Variants in DERA observed in about 807,000 individuals in gnomAD.
The protein encoded by DERA is 2-deoxy-D-ribose 5-phosphate aldolase.
Under a neutral mutation model 41.1 loss-of-function variants are expected in DERA, and 15 were observed. The observed-to-expected ratio is 0.37, with a 90% confidence interval of 0.24 to 0.56. DERA has a LOEUF of 0.56. Among genes scored for constraint, DERA ranks in the 20% least tolerant of loss-of-function variants. The pLI is 0.81. For synonymous variants in DERA, 139 were observed against 137.4 expected (o/e 1.01, Z -0.08); for missense variants, 396 against 403.4 (o/e 0.98, Z 0.16).
At chr12:15,971,683 A>AT (rs1316424583) in intron 5 of DERA, among the ~76,000 whole-genome samples, 1 of 151,702 alleles carries the variant, frequency 6.6e-6, no homozygotes, top group Non-Finnish European at 1.5e-5. Context: ...TGCCCAGCTA[A>AT]TTTTTTGTAT....
At chr12:15,947,668 C>G (rs1208825664) in intron 1 of DERA, among the ~76,000 whole-genome samples, 4 of 152,132 alleles carry the variant, frequency 2.6e-5, no homozygotes, top group African/African-American at 9.7e-5. Flanking sequence ...ATCCAATTTG[C>G]CAGTCTGTGT....
rs1038906577 is a variant in DERA, at chr12:16,019,697, T to G, written c.638-12845T>G. Among the ~76,000 whole-genome samples the G allele has an allele frequency of 1.3e-5, 2 of 151,792 alleles. No individual in the cohort carries two copies. Among genetic ancestry groups the G allele is most frequent in the South Asian group, 4.1e-4 (2 of 4,826 alleles). On this transcript the variant is annotated intron_variant, in intron 6 of 8. Transcript: ENST00000428559. The surrounding 1 kb of genome is among the most constrained non-coding windows in gnomAD (Gnocchi z 4.4). ...AATTTTGTCTCTCCTTGAAGGTCTG[T>G]AACACATTCCATCTGTTCCATGAAG...
intron 1 of DERA, among the ~76,000 whole-genome samples, chr12:15,952,777 G>A (rs140325530): frequency 7.7e-4 from 118 of 152,304 alleles, no homozygotes; most frequent in African/African-American, 2.2e-3. Context: ...ATTGGACAGC[G>A]CATGTCTACA....
Position 15,911,530 on chromosome 12 carries a change from T to C in DERA, c.31+116T>C, listed in dbSNP as rs767424645. ...CTGTGGGTCCCCGAGGGGTTTTCGC[T>C]GGGGCGGGAAGCAGTGGCGTCTGGT... On this transcript the variant is annotated intron_variant, in intron 1 of 8. Transcript: ENST00000428559. This position sits in a 1 kb window ranked among gnomAD's most constrained non-coding sequence, Gnocchi z 4.5. The C allele has an allele frequency of 9.2e-6, 10 of 1,088,934 alleles. No homozygotes were observed. The highest frequency in any genetic ancestry group is 1.3e-5 in the Non-Finnish European group (10 of 782,194). 67.5% of individuals were successfully genotyped at this position (1,088,934 alleles called of 1,614,324 possible).
intron 1 of DERA, among the ~76,000 whole-genome samples, chr12:15,947,886 T>A (rs546233727): frequency 6.6e-6 from 1 of 152,346 alleles, no homozygotes; most frequent in Non-Finnish European, 1.5e-5. Context: ...CTTCAGGAGC[T>A]CTTTTAGGGC....
In DERA at chr12:15,911,652, G is replaced by A. The variant is rs1948164637; in HGVS notation, c.31+238G>A. On this transcript the variant is annotated intron_variant, in intron 1 of 8. Transcript: ENST00000428559. The surrounding 1 kb of genome is among the most constrained non-coding windows in gnomAD (Gnocchi z 4.5). ...CTTGTATGCGGAAGGAGTAGGAAAG[G>A]GTTAGATTATTATCTTCCTGCCTTT... 1 of 694,014 alleles carries A rather than the reference G, an allele frequency of 1.4e-6. No homozygotes were observed. Among genetic ancestry groups the A allele is most frequent in the Non-Finnish European group, 2.6e-6 (1 of 380,212 alleles). 43.0% of individuals were successfully genotyped at this position (694,014 alleles called of 1,614,324 possible). A position where few individuals can be genotyped will look rare whatever the true frequency, so the allele number is the denominator to read the frequency against.
At position 15,988,495 on chromosome 12, in the gene DERA, C is replaced by T. The variant is rs1483096819; in HGVS notation, c.637+6059C>T. Among the ~76,000 whole-genome samples the T allele has an allele frequency of 6.6e-6, 1 of 152,092 alleles. No individual in the cohort carries two copies. Among genetic ancestry groups the T allele is most frequent in the East Asian group, 1.9e-4 (1 of 5,192 alleles). On this transcript the variant is annotated intron_variant, in intron 6 of 8. Coordinates refer to ENST00000428559, the MANE Select transcript of DERA (RefSeq NM_015954.4). The surrounding 1 kb of genome is among the most constrained non-coding windows in gnomAD (Gnocchi z 6.0). ...GGGTAGCTCCTTTTTGCAGGCAGGTCGTCCCTGTGAGTGTGTGAGTCTGAC... is the reference window on the plus strand; with the variant it reads ...GGGTAGCTCCTTTTTGCAGGCAGGTTGTCCCTGTGAGTGTGTGAGTCTGAC...
Position 15,918,797 on chromosome 12 carries a change from C to T in DERA, c.31+7383C>T, listed in dbSNP as rs959199362. Among the ~76,000 whole-genome samples the T allele has an allele frequency of 3.3e-5, 5 of 152,030 alleles. No individual in the cohort carries two copies. The highest frequency in any genetic ancestry group is 4.8e-5 in the African/African-American group (2 of 41,394). On this transcript the variant is annotated intron_variant, in intron 1 of 8. Transcript: ENST00000428559. This position sits in a 1 kb window ranked among gnomAD's most constrained non-coding sequence, Gnocchi z 4.3. ...CGTGGTGGGATTGGAAGGATAAAGA[C>T]GAATTCACAGACAGTCCAGGGAGGG...
In DERA at chr12:15,936,954, TCCTGC is replaced by T. The variant is rs113973762; in HGVS notation, c.32-19967_32-19963del. ...TCCTGTCTTGTCCTGTCCCGTCCTGTCCTGCCCTGCCCTGCCCTGTCTTGTCTTTC... is the reference window on the plus strand; with the variant it reads ...TCCTGTCTTGTCCTGTCCCGTCCTGTCCTGCCCTGCCCTGTCTTGTCTTTC... On this transcript the variant is annotated intron_variant, in intron 1 of 8. Coordinates refer to ENST00000428559, the MANE Select transcript of DERA (RefSeq NM_015954.4). This position sits in a 1 kb window ranked among gnomAD's most constrained non-coding sequence, Gnocchi z 4.6. Among the ~76,000 whole-genome samples, 1,098 of 146,928 alleles carry T rather than the reference TCCTGC, an allele frequency of 7.5e-3. 21 individuals carry two copies. The highest frequency in any genetic ancestry group is 0.027 in the African/African-American group (1,038 of 37,842).
chr12:15,920,847 C>G (rs1948238259), intron 1 of DERA, among the ~76,000 whole-genome samples: 2 of 144,904 alleles, frequency 1.4e-5, no homozygotes, highest in African/African-American at 5.1e-5. Context: ...CTCAAAAATA[C>G]CCCCCCCAAA....
intron 1 of DERA, among the ~76,000 whole-genome samples, chr12:15,919,176 G>C (rs947700781): frequency 1.3e-5 from 2 of 151,992 alleles, no homozygotes; most frequent in Admixed American, 1.3e-4. Flanking sequence ...TTGATAAATA[G>C]AAAAACTATA....
rs1015822914 is a variant in DERA at position 16,021,331 on chromosome 12, A to G, written c.638-11211A>G. 5.3e-5 allele frequency among the ~76,000 whole-genome samples: 8 copies of G among 152,206 alleles called. No homozygotes were observed. Among genetic ancestry groups the G allele is most frequent in the African/African-American group, 1.9e-4 (8 of 41,452 alleles). ...GATACAGCTCAGGCTGCTGCTGTGG[A>G]GAGTACAAGTTGTAAGCCTTGCTGG... On this transcript the variant is annotated intron_variant, in intron 6 of 8. Transcript: ENST00000428559. This position sits in a 1 kb window ranked among gnomAD's most constrained non-coding sequence, Gnocchi z 5.3.
chr12:15,978,529 T>C (rs1031399411), intron 5 of DERA, among the ~76,000 whole-genome samples: 1 of 152,180 alleles, frequency 6.6e-6, no homozygotes, highest in Non-Finnish European at 1.5e-5. Context: ...CCCTAAGTAA[T>C]TAGGCTTAGA....
Position 15,959,710 on chromosome 12 carries a change from G to A in DERA, c.278-119G>A, listed in dbSNP as rs563163937. The A allele has an allele frequency of 1.6e-6, 1 of 609,598 alleles. No individual in the cohort carries two copies. The highest frequency in any genetic ancestry group is 2.4e-5 in the South Asian group (1 of 41,840). 37.8% of individuals were successfully genotyped at this position (609,598 alleles called of 1,614,324 possible). A position where few individuals can be genotyped will look rare whatever the true frequency, so the allele number is the denominator to read the frequency against. The stretch of plus-strand genomic sequence containing the variant: ...TCTTTTAATTTATTGCAGTATTGTG[G>A]GGGAATTATTTTTTTCTCATTTGAT... On this transcript the variant is annotated intron_variant, in intron 3 of 8. Coordinates refer to ENST00000428559, the MANE Select transcript of DERA (RefSeq NM_015954.4). The surrounding 1 kb of genome is among the most constrained non-coding windows in gnomAD (Gnocchi z 4.5).
chr12:15,993,548 G>C lies in DERA; in HGVS notation c.637+11112G>C, dbSNP rs1454785707. Among the ~76,000 whole-genome samples the C allele has an allele frequency of 2.7e-5, 4 of 150,906 alleles. No homozygotes were observed. Among genetic ancestry groups the C allele is most frequent in the Non-Finnish European group, 5.9e-5 (4 of 67,864 alleles). On this transcript the variant is annotated intron_variant, in intron 6 of 8. Coordinates refer to ENST00000428559, the MANE Select transcript of DERA (RefSeq NM_015954.4). This position sits in a 1 kb window ranked among gnomAD's most constrained non-coding sequence, Gnocchi z 4.4. The stretch of plus-strand genomic sequence containing the variant: ...GGAAAAAGCATTTAATTTATGAAAA[G>C]GTATGCTACAACTGAAACTTCATCA...
Position 15,957,128 on chromosome 12 carries a change from T to C in DERA, c.129+95T>C. 1 of 905,042 alleles carries C rather than the reference T, an allele frequency of 1.1e-6. No homozygotes were observed. The highest frequency in any genetic ancestry group is 1.7e-5 in the African/African-American group (1 of 60,352). The allele number at this position is 905,042 out of a possible 1,614,324, so 56.1% of individuals were successfully genotyped here. On this transcript the variant is annotated intron_variant, in intron 2 of 8. Transcript: ENST00000428559. The surrounding 1 kb of genome is among the most constrained non-coding windows in gnomAD (Gnocchi z 4.8). The stretch of plus-strand genomic sequence containing the variant: ...TATTGAATTTCACTCAAGATGCATC[T>C]AAACTTAAAAGATTGCAGCTGTCCA...
At chr12:16,016,102 G>T (rs1948980349) in intron 6 of DERA, among the ~76,000 whole-genome samples, 1 of 152,114 alleles carries the variant, frequency 6.6e-6, no homozygotes, top group Admixed American at 6.6e-5. Flanking sequence ...GCATGACTTT[G>T]TGGAATCATA....
chr12:15,962,781 T>A, intron 4 of DERA, 32 bp from the exon 5 acceptor site: 1 of 1,511,068 alleles, frequency 6.6e-7, no homozygotes, highest in Non-Finnish European at 8.9e-7. Flanking sequence ...CCTCCTTCCC[T>A]CTTTCTTCAT....
intron 1 of DERA, among the ~76,000 whole-genome samples, chr12:15,946,067 A>G (rs188783727): frequency 6.6e-6 from 1 of 152,294 alleles, no homozygotes; most frequent in African/African-American, 2.4e-5. Flanking sequence ...CTTGCATCCC[A>G]GGGATGAAGC....
Sources: gnomAD v4.1 joint callset for allele counts (sites outside exome capture counted in the v4.1 genomes callset) on GRCh38, gnomAD v4.1.1 for gene constraint, Gnocchi (gnomAD v3.1) non-coding constraint, MANE v1.5 for transcripts, NCBI Gene and HGNC (gene_info 2026-07-23, HGNC 2026-07-21) for gene names.